CFHR2: variants seen among roughly 807,000 people sequenced by gnomAD.
CFHR2 encodes the protein complement factor H-related protein 2.
Under a neutral mutation model 21.7 loss-of-function variants are expected in CFHR2, and 22 were observed. The observed-to-expected ratio is 1.01, with a 90% CI of 0.72 to 1.45. The LOEUF is 1.45. Among genes scored for constraint, CFHR2 ranks in the 40% most tolerant of loss-of-function variants. The pLI, the probability that CFHR2 is intolerant of heterozygous loss-of-function variation, is 0.00. For missense variants in CFHR2, 294 were observed against 293.3 expected (o/e 1.00, Z -0.02); for synonymous variants, 98 against 97.4 (o/e 1.01, Z -0.04).
intron 3 of CFHR2, among the ~76,000 whole-genome samples, chr1:196,956,949 T>C (rs936255542): frequency 1.4e-4 from 21 of 152,274 alleles, no homozygotes; most frequent in Admixed American, 3.9e-4. Flanking sequence ...ACATCAATCA[T>C]GGGAAAAGGG....
rs7546591 is a variant in CFHR2, at chr1:196,955,342, T to C, written c.431-2549T>C. On this transcript the variant is annotated intron_variant, in intron 3 of 4. Coordinates refer to ENST00000367415, the MANE Select transcript of CFHR2 (RefSeq NM_005666.4). ...TCTATAAGCATTTTGGTCAAAACCA[T>C]TGAACAAGTCTCAAGGGGGTTCCAA... Among the ~76,000 whole-genome samples, 855 of 152,276 alleles carry C rather than the reference T, an allele frequency of 5.6e-3. 6 individuals are homozygous for C. The highest frequency in any genetic ancestry group is 0.019 in the African/African-American group (784 of 41,554).
Position 196,949,488 on chromosome 1 carries a change from G to A in CFHR2, c.92G>A (p.Gly31Glu), listed in dbSNP as rs1397142944. 1.9e-6 allele frequency: 3 copies of A among 1,613,624 alleles called. No individual in the cohort carries two copies. Among genetic ancestry groups the A allele is most frequent in the Non-Finnish European group, 2.5e-6 (3 of 1,179,822 alleles). The change falls in exon 2 of 5, where the codon GGA becomes GAA. Residue 31 changes from glycine to glutamate, a missense_variant. By Grantham distance (98) the Gly-to-Glu change is moderately conservative. Transcript: ENST00000367415. ...MFCDFPKINH[G>E]ILYDEEKYKP... ...TGTGATTTTCCAAAAATAAACCATG[G>A]AATTCTATATGATGAAGAAAAATAT...
intron 1 of CFHR2, among the ~76,000 whole-genome samples, chr1:196,945,814 T>A (rs1404462369): frequency 6.8e-6 from 1 of 147,134 alleles, no homozygotes; most frequent in Non-Finnish European, 1.5e-5. Context: ...GTATAAACAG[T>A]CATGCATCAC....
rs768414224 is a variant in CFHR2, at chr1:196,957,877, T to G, written c.431-14T>G. 3 of 1,607,202 alleles carry G rather than the reference T, an allele frequency of 1.9e-6. No individual in the cohort carries two copies. The highest frequency in any genetic ancestry group is 2.6e-6 in the Non-Finnish European group (3 of 1,176,068). On this transcript the variant is annotated splice_polypyrimidine_tract_variant and intron_variant, in intron 3 of 4. Coordinates refer to ENST00000367415, the MANE Select transcript of CFHR2 (RefSeq NM_005666.4). ...TTATTTACTCTCCCAGTAAATCAAA[T>G]GATGTTTTTTTAGTTTCTGCAGAAA...
chr1:196,949,622 G>C lies in CFHR2; in HGVS notation c.226G>C (p.Gly76Arg). The C allele has an allele frequency of 6.2e-7, 1 of 1,613,888 alleles. No homozygotes were observed. The highest frequency in any genetic ancestry group is 8.5e-7 in the Non-Finnish European group (1 of 1,179,844). Residue 76 changes from glycine to arginine, a missense_variant, in exon 2 of 5, where the codon GGA becomes CGA. Gly to Arg is a moderately radical substitution (Grantham distance 125, BLOSUM62 -2). Transcript: ENST00000367415. ...GACTCGCATAACGTGCGCAGAAGAA[G>C]GATGGTCACCAACACCAAAGTGTCT... is the stretch of plus-strand genomic sequence containing the variant. ...FWTRITCAEE[G>R]WSPTPKCLRL...
intron 4 of CFHR2, among the ~76,000 whole-genome samples, chr1:196,958,332 G>T (rs186038404): frequency 4.1e-4 from 62 of 151,686 alleles, no homozygotes; most frequent in African/African-American, 1.4e-3. Context: ...TATTTATAAA[G>T]CAATGATTAC....
At position 196,959,135 on chromosome 1, in the gene CFHR2, T is replaced by C. The variant is rs114139006; in HGVS notation, c.*55T>C. On this transcript the variant is annotated 3_prime_UTR_variant, in exon 5 of 5. Coordinates refer to ENST00000367415, the MANE Select transcript of CFHR2 (RefSeq NM_005666.4). ...ACACCTTTTTCTGAATTTACTATTA[T>C]ATTTGTTTTCAATTTCATTTTTCAA... 394 of 1,220,142 alleles carry C rather than the reference T, an allele frequency of 3.2e-4. No individual in the cohort carries two copies. The highest frequency in any genetic ancestry group is 4.1e-4 in the Non-Finnish European group (355 of 862,416). 75.6% of individuals were successfully genotyped at this position (1,220,142 alleles called of 1,614,324 possible).
rs751701206 is a variant in CFHR2, at chr1:196,958,089, T to G, written c.613+16T>G. 2 of 1,607,936 alleles carry G rather than the reference T, an allele frequency of 1.2e-6. No homozygotes were observed. Among genetic ancestry groups the G allele is most frequent in the East Asian group, 2.2e-5 (1 of 44,818 alleles). Reference sequence around the variant, plus strand: ...AAATGCTTAGGTAAGTACTTTAATATTCTCATGGATTCTGGAAAAATCAGT... The same window carrying G: ...AAATGCTTAGGTAAGTACTTTAATAGTCTCATGGATTCTGGAAAAATCAGT... On this transcript the variant is annotated intron_variant, in intron 4 of 4. Transcript: ENST00000367415.
intron 3 of CFHR2, among the ~76,000 whole-genome samples, chr1:196,952,079 T>C (rs927548741): frequency 6.6e-6 from 1 of 152,188 alleles, no homozygotes. Flanking sequence ...AAAGATGTTA[T>C]GTTATCAAAT....
rs9427649 is a variant in CFHR2, at chr1:196,947,323, G to A, written c.59-2132G>A. On this transcript the variant is annotated intron_variant, in intron 1 of 4. Transcript: ENST00000367415. ...CAATGAATACTTGATGAATGTCATA[G>A]AGTTAATTCTGAAGCATAGGTACAA... Among the ~76,000 whole-genome samples the A allele has an allele frequency of 6.3e-3, 963 of 152,266 alleles. 8 individuals carry two copies. The highest frequency in any genetic ancestry group is 0.021 in the African/African-American group (893 of 41,536).
intron 1 of CFHR2, among the ~76,000 whole-genome samples, chr1:196,946,267 A>G (rs1659480510): frequency 6.6e-6 from 1 of 152,204 alleles, no homozygotes; most frequent in Non-Finnish European, 1.5e-5. Flanking sequence ...TTATTTATTT[A>G]CTTCAATAGT....
In CFHR2 at chr1:196,957,913, C is replaced by G. The variant is rs1206718890; in HGVS notation, c.453C>G (p.Pro151=). Residue 151 remains proline, a synonymous_variant, in exon 4 of 5, where the codon CCC becomes CCG. Transcript: ENST00000367415. ...TAGTTTCTGCAGAAAAATGTGGGCC[C>G]CCTCCACCTATTGACAATGGAGACA... ...RSTISAEKCG[P]PPPIDNGDIT... 6.2e-7 allele frequency: 1 copy of G among 1,611,860 alleles called. No homozygotes were observed. Among genetic ancestry groups the G allele is most frequent in the South Asian group, 1.1e-5 (1 of 90,726 alleles).
chr1:196,954,827 A>G (rs2125012126), intron 3 of CFHR2, among the ~76,000 whole-genome samples: 1 of 152,322 alleles, frequency 6.6e-6, no homozygotes, highest in Middle Eastern at 3.4e-3. Context: ...AGCAGCTAGG[A>G]CTCAGCAGGG....
At chr1:196,954,828 C>A (rs1019708764) in intron 3 of CFHR2, among the ~76,000 whole-genome samples, 2 of 152,240 alleles carry the variant, frequency 1.3e-5, no homozygotes, top group Non-Finnish European at 2.9e-5. Context: ...GCAGCTAGGA[C>A]TCAGCAGGGT....
chr1:196,958,109 A>G (rs764943668), intron 4 of CFHR2, 36 bp downstream of exon 4: 1 of 1,583,536 alleles, frequency 6.3e-7, no homozygotes, highest in South Asian at 1.1e-5. Flanking sequence ...TTCTGGAAAA[A>G]TCAGTGTGAT....
intron 3 of CFHR2, among the ~76,000 whole-genome samples, chr1:196,951,829 T>C (rs763969021): frequency 2.0e-5 from 3 of 152,146 alleles, no homozygotes; most frequent in Non-Finnish European, 2.9e-5. Context: ...TCTTGCTGGG[T>C]TCTCCCTCAC....
chr1:196,955,154 A>G (rs749228795), intron 3 of CFHR2, among the ~76,000 whole-genome samples: 4 of 152,122 alleles, frequency 2.6e-5, no homozygotes, highest in Non-Finnish European at 5.9e-5. Context: ...AGTTACCCTA[A>G]ATCATCTCTC....
At chr1:196,949,395 T>C in intron 1 of CFHR2, 60 bp from the exon 2 acceptor site, 1 of 1,468,168 alleles carries the variant, frequency 6.8e-7, no homozygotes, top group South Asian at 1.2e-5. Flanking sequence ...TAAAATATAG[T>C]CTAGTGATTT....
At chr1:196,950,713 T>A (rs1161827932) in intron 2 of CFHR2, 139 bp from the exon 3 acceptor site, 4 of 889,988 alleles carry the variant, frequency 4.5e-6, no homozygotes, top group Middle Eastern at 6.9e-4. Context: ...CCTCAAATGA[T>A]CCACTCACCT....
Sources: gnomAD v4.1 joint callset for allele counts (sites outside exome capture counted in the v4.1 genomes callset) on GRCh38, gnomAD v4.1.1 for gene constraint, MANE v1.5 for transcripts, NCBI Gene and HGNC (gene_info 2026-07-23, HGNC 2026-07-21) for gene names.